TLR5: variants seen among roughly 807,000 people sequenced by gnomAD.
The protein encoded by TLR5 is toll like receptor 5, also known as toll-like receptor 5.
For missense variants in TLR5, 944 were observed against 999.8 expected (o/e 0.94, Z 0.75); for synonymous variants, 373 against 384.4 (o/e 0.97, Z 0.35).
chr1:223,124,682 C>A (rs562270812), intron 5 of TLR5, among the ~76,000 whole-genome samples: 113 of 152,300 alleles, frequency 7.4e-4, no homozygotes, highest in Non-Finnish European at 1.3e-3. Context: ...CAGCTCACTG[C>A]AGCCTCCACT....
intron 1 of TLR5, 55 bp from the exon 2 acceptor site, chr1:223,141,818 TATATAGAG>T (rs1173589110): frequency 0.011 from 475 of 43,100 alleles, no homozygotes; most frequent in Non-Finnish European, 0.016. Context: ...TATATATATA[TATATAGAG>T]AGAGAGAGAG....
At chr1:223,119,671 C>T (rs1260062878) in intron 5 of TLR5, among the ~76,000 whole-genome samples, 1 of 151,894 alleles carries the variant, frequency 6.6e-6, no homozygotes, top group African/African-American at 2.4e-5. Flanking sequence ...AAGATACCAA[C>T]ACAACAGGCC....
chr1:223,115,863 G>C (rs1315767600), intron 5 of TLR5, among the ~76,000 whole-genome samples: 1 of 151,952 alleles, frequency 6.6e-6, no homozygotes, highest in Non-Finnish European at 1.5e-5. Flanking sequence ...AGGGAAAGGA[G>C]CAGCCAGCAC....
In TLR5 at chr1:223,111,813, C is replaced by T. The variant is rs773759654; in HGVS notation, c.1219G>A (p.Asp407Asn). Residue 407 changes from aspartate to asparagine, a missense_variant, in exon 6 of 6, where the codon GAT becomes AAT. Physicochemically the swap from Asp to Asn is conservative, Grantham distance 23 (BLOSUM62 1). Transcript: ENST00000642603. Reference protein sequence around the residue: ...TTIHFIPSIPDIFLSGNKLVT... With the variant: ...TTIHFIPSIPNIFLSGNKLVT... ...AGTTTATTGCCACTCAAGAAGATAT[C>T]GGGTATGCTTGGAATAAAATGAATG... The T allele has an allele frequency of 6.2e-7, 1 of 1,613,990 alleles. No individual in the cohort carries two copies. Among genetic ancestry groups the T allele is most frequent in the Admixed American group, 1.7e-5 (1 of 60,018 alleles).
At chr1:223,129,799 G>A (rs1265408455) in intron 5 of TLR5, among the ~76,000 whole-genome samples, 2 of 152,192 alleles carry the variant, frequency 1.3e-5, no homozygotes, top group Non-Finnish European at 2.9e-5. Flanking sequence ...TAGCATCAGG[G>A]ATTAACACAG....
In TLR5 at chr1:223,111,821, C is replaced by T; in HGVS notation, c.1211G>A (p.Ser404Asn). 1 of 1,613,974 alleles carries T rather than the reference C, an allele frequency of 6.2e-7. No homozygotes were observed. Among genetic ancestry groups the T allele is most frequent in the Non-Finnish European group, 8.5e-7 (1 of 1,179,970 alleles). ...GCCACTCAAGAAGATATCGGGTATG[C>T]TTGGAATAAAATGAATGGTTGTAAG... ...NALTTIHFIP[S>N]IPDIFLSGNK... The change falls in exon 6 of 6, where the codon AGC becomes AAC. Residue 404 changes from serine to asparagine, a missense_variant. Ser to Asn is a conservative substitution (Grantham distance 46, BLOSUM62 1). Coordinates refer to ENST00000642603, the MANE Select transcript of TLR5 (RefSeq NM_003268.6).
chr1:223,114,442 G>T (rs748759547), intron 5 of TLR5, among the ~76,000 whole-genome samples: 14 of 152,204 alleles, frequency 9.2e-5, no homozygotes, highest in Non-Finnish European at 1.9e-4. Flanking sequence ...TCAGAGGGCA[G>T]GAGAATGAGA....
chr1:223,122,987 G>A (rs1485242977), intron 5 of TLR5, among the ~76,000 whole-genome samples: 1 of 152,160 alleles, frequency 6.6e-6, no homozygotes, highest in East Asian at 1.9e-4. Flanking sequence ...AACACAGACC[G>A]TAGTTTGCTG....
chr1:223,116,287 G>T (rs1304709188), intron 5 of TLR5, among the ~76,000 whole-genome samples: 1 of 152,086 alleles, frequency 6.6e-6, no homozygotes, highest in African/African-American at 2.4e-5. Context: ...CTGATGTTTG[G>T]ACGTGTTCGG....
intron 5 of TLR5, 33 bp from the exon 6 acceptor site, chr1:223,113,068 C>G: frequency 6.2e-7 from 1 of 1,608,804 alleles, no homozygotes; most frequent in Non-Finnish European, 8.5e-7. Context: ...AAAACACAGG[C>G]ATTTAAGCTC....
At chr1:223,113,113 T>C (rs554351131) in intron 5 of TLR5, 78 bp from the exon 6 acceptor site, 7 of 1,405,482 alleles carry the variant, frequency 5.0e-6, no homozygotes, top group Non-Finnish European at 7.0e-6. Flanking sequence ...ATCTTGGGGG[T>C]ATTCTCTATG....
chr1:223,117,529 C>G (rs1488222190), intron 5 of TLR5, among the ~76,000 whole-genome samples: 2 of 132,860 alleles, frequency 1.5e-5, no homozygotes, highest in African/African-American at 5.9e-5. Flanking sequence ...ACTATATTCT[C>G]CATACAGCAA....
At chr1:223,133,805 TTC>T (rs1473012790) in intron 4 of TLR5, among the ~76,000 whole-genome samples, 2 of 152,078 alleles carry the variant, frequency 1.3e-5, no homozygotes, top group East Asian at 1.9e-4. Flanking sequence ...TGGGTGCGAC[TTC>T]TGATTTCAGG....
chr1:223,141,442 C>G (rs528233508), intron 2 of TLR5: 1 of 152,230 alleles, frequency 6.6e-6, no homozygotes, highest in South Asian at 2.1e-4. Context: ...TAATTAGGGT[C>G]ATACGCACAG....
chr1:223,110,779 A>G lies in TLR5; in HGVS notation c.2253T>C (p.Ser751=). The change falls in exon 6 of 6, where the codon AGT becomes AGC. Residue 751 remains serine, a synonymous_variant. Coordinates refer to ENST00000642603, the MANE Select transcript of TLR5 (RefSeq NM_003268.6). The part of the protein sequence containing the change: ...IANIQDAIWN[S]RKIVCLVSRH... ...TGCTCACAAGACAAACGATCTTTCT[A>G]CTGTTCCAGATGGCATCCTGGATAT... 1 of 1,614,214 alleles carries G rather than the reference A, an allele frequency of 6.2e-7. No homozygotes were observed. The highest frequency in any genetic ancestry group is 8.5e-7 in the Non-Finnish European group (1 of 1,180,024).
rs1558116150 is a variant in TLR5, at chr1:223,111,020, T to C, written c.2012A>G (p.Tyr671Cys). The stretch of plus-strand genomic sequence containing the variant: ...GAACACCAGTCTCTGGGCTGTCTTA[T>C]AACAGATAAAACAGAAGCCCCGGAA... ...TKFRGFCFIC[Y>C]KTAQRLVFKD... The change falls in exon 6 of 6, where the codon TAT becomes TGT. Residue 671 changes from tyrosine (Y) to cysteine (C), a missense_variant. Coordinates refer to ENST00000642603, the MANE Select transcript of TLR5 (RefSeq NM_003268.6). The C allele has an allele frequency of 1.2e-6, 2 of 1,614,168 alleles. No individual in the cohort carries two copies. Among genetic ancestry groups the C allele is most frequent in the Non-Finnish European group, 1.7e-6 (2 of 1,180,038 alleles).
Position 223,110,544 on chromosome 1 carries a change from GA to G in TLR5, c.2487del (p.His830IlefsTer8). ...TTTAGTATCTGTTGAGAGAGTTTATGAAGAAACCAGCCAACATCCTGGAGAT... is the reference window on the plus strand; with the variant it reads ...TTTAGTATCTGTTGAGAGAGTTTATGAGAAACCAGCCAACATCCTGGAGAT... ...PEDLQDVGWF[L>X]HKLSQQILKK... On this transcript the variant is annotated frameshift_variant, in exon 6 of 6. Coordinates refer to ENST00000642603, the MANE Select transcript of TLR5 (RefSeq NM_003268.6). LOFTEE classifies it low-confidence loss of function (END_TRUNC). The G allele has an allele frequency of 6.2e-7, 1 of 1,614,112 alleles. No homozygotes were observed. Among genetic ancestry groups the G allele is most frequent in the Non-Finnish European group, 8.5e-7 (1 of 1,180,006 alleles).
chr1:223,113,609 TTTA>T (rs1285621307), intron 5 of TLR5, among the ~76,000 whole-genome samples: 2 of 152,104 alleles, frequency 1.3e-5, no homozygotes, highest in Non-Finnish European at 2.9e-5. Context: ...TTAAAAAAAT[TTTA>T]TTTATTATTC....
At position 223,112,426 on chromosome 1, in the gene TLR5, G is replaced by C. The variant is rs762553754; in HGVS notation, c.606C>G (p.Ser202Arg). 1.2e-5 allele frequency: 20 copies of C among 1,614,072 alleles called. No homozygotes were observed. The highest frequency in any genetic ancestry group is 1.6e-5 in the Non-Finnish European group (19 of 1,180,056). Residue 202 changes from serine to arginine, a missense_variant, in exon 6 of 6, where the codon AGC becomes AGG. Transcript: ENST00000642603. ...PLQGKTLSFFSLAANSLYSRV... is the reference protein window; with the variant it reads ...PLQGKTLSFFRLAANSLYSRV... Reference sequence around the variant, plus strand: ...TGCTATACAAGCTATTAGCTGCGAGGCTAAAAAAGGAGAGCGTTTTCCCTT... The same window carrying C: ...TGCTATACAAGCTATTAGCTGCGAGCCTAAAAAAGGAGAGCGTTTTCCCTT...
Sources: gnomAD v4.1 joint callset for allele counts (sites outside exome capture counted in the v4.1 genomes callset) on GRCh38, gnomAD v4.1.1 for gene constraint, MANE v1.5 for transcripts, NCBI Gene and HGNC (gene_info 2026-07-23, HGNC 2026-07-21) for gene names.